The following GNAQ variants were observed in gnomAD, a reference collection of about 807,000 sequenced individuals.
GNAQ encodes guanine nucleotide-binding protein G(q) subunit alpha.
GNAQ carries 8 observed loss-of-function variants against 43.9 expected under a neutral mutation model. The ratio of observed to expected loss-of-function variants is 0.18; its 90% confidence interval spans 0.11 to 0.33. GNAQ has a LOEUF of 0.33. GNAQ is among the 10% of genes least tolerant of loss of function. GNAQ has a pLI of 1.00. For synonymous variants in GNAQ, 155 were observed against 170.7 expected (o/e 0.91, Z 0.71); for missense variants, 158 against 450.8 (o/e 0.35, Z 5.88).
chr9:77,936,469 T>G (rs781079771), intron 1 of GNAQ, among the ~76,000 whole-genome samples: 14 of 152,176 alleles, frequency 9.2e-5, no homozygotes, highest in Non-Finnish European at 1.9e-4. Context: ...AACTGTCTTA[T>G]ATGCAACCTT....
intron 1 of GNAQ, among the ~76,000 whole-genome samples, chr9:77,985,674 C>G (rs910583869): frequency 6.6e-6 from 1 of 152,008 alleles, no homozygotes; most frequent in Non-Finnish European, 1.5e-5. Flanking sequence ...AATCTCTCTG[C>G]CTCCCGGGTT....
chr9:78,031,158 C>T lies in GNAQ; in HGVS notation c.78G>A (p.Glu26=), dbSNP rs752197128. 13 of 1,555,250 alleles carry T rather than the reference C, an allele frequency of 8.4e-6. No individual in the cohort carries two copies. The highest frequency in any genetic ancestry group is 1.1e-5 in the Non-Finnish European group (13 of 1,151,624). The stretch of plus-strand genomic sequence containing the variant: ...CCCGCTTGTCCCTGCGGAGCTGCCG[C>T]TCGATCTCGTCGTTGATCCGCCGGG... ...KEARRINDEI[E]RQLRRDKRDA... Residue 26 remains glutamate, a synonymous_variant, in exon 1 of 7, where the codon GAG becomes GAA. Coordinates refer to ENST00000286548, the MANE Select transcript of GNAQ (RefSeq NM_002072.5).
chr9:77,849,800 G>A (rs1376427075), intron 2 of GNAQ, among the ~76,000 whole-genome samples: 1 of 152,094 alleles, frequency 6.6e-6, no homozygotes, highest in East Asian at 1.9e-4. Flanking sequence ...CTGAGTGGCT[G>A]GGGACTACAG....
intron 2 of GNAQ, among the ~76,000 whole-genome samples, chr9:77,849,270 TGACTCTCAA>T (rs1017416835): frequency 9.9e-5 from 15 of 152,284 alleles, no homozygotes; most frequent in African/African-American, 3.6e-4. Flanking sequence ...AATTAAAACA[TGACTCTCAA>T]GCATCCTAAA....
At chr9:77,798,810 T>A (rs778411579) in intron 3 of GNAQ, among the ~76,000 whole-genome samples, 1 of 152,188 alleles carries the variant, frequency 6.6e-6, no homozygotes, top group Non-Finnish European at 1.5e-5. Flanking sequence ...TCTCTGAATA[T>A]TTTTGATCCA....
chr9:77,810,688 T>C (rs1826904998), intron 3 of GNAQ, among the ~76,000 whole-genome samples: 1 of 152,186 alleles, frequency 6.6e-6, no homozygotes. Flanking sequence ...ATTAAAATAG[T>C]AGAAATTACC....
chr9:77,887,393 C>G (rs1007129666), intron 2 of GNAQ, among the ~76,000 whole-genome samples: 2 of 152,214 alleles, frequency 1.3e-5, no homozygotes, highest in Non-Finnish European at 2.9e-5. Context: ...ATTTAATACT[C>G]CTTTTACCTT....
chr9:77,842,371 A>G (rs1425839292), intron 2 of GNAQ, among the ~76,000 whole-genome samples: 3 of 152,222 alleles, frequency 2.0e-5, no homozygotes, highest in African/African-American at 7.2e-5. Context: ...TGTGAGCAGA[A>G]GGGCACAGAA....
intron 5 of GNAQ, among the ~76,000 whole-genome samples, chr9:77,779,403 A>C (rs1826353112): frequency 6.6e-6 from 1 of 151,990 alleles, no homozygotes; most frequent in Non-Finnish European, 1.5e-5. Context: ...GGAATACAAC[A>C]AAATCCATGC....
chr9:77,734,993 T>G (rs1825555605), intron 5 of GNAQ, among the ~76,000 whole-genome samples: 1 of 152,170 alleles, frequency 6.6e-6, no homozygotes, highest in South Asian at 2.1e-4. Flanking sequence ...TTATACCAAG[T>G]AGCTCACAGG....
At chr9:78,025,394 C>T (rs776767148) in intron 1 of GNAQ, among the ~76,000 whole-genome samples, 3 of 152,298 alleles carry the variant, frequency 2.0e-5, no homozygotes, top group Admixed American at 6.5e-5. Context: ...CAAGAGTAAA[C>T]GTTCACGGTT....
chr9:77,822,198 G>A (rs1443187890), intron 2 of GNAQ, among the ~76,000 whole-genome samples: 3 of 151,768 alleles, frequency 2.0e-5, no homozygotes, highest in African/African-American at 7.3e-5. Flanking sequence ...AGCTTTTTTT[G>A]CCTCCAGATC....
intron 1 of GNAQ, among the ~76,000 whole-genome samples, chr9:77,963,570 G>T (rs370254962): frequency 1.3e-5 from 2 of 152,086 alleles, no homozygotes; most frequent in Non-Finnish European, 2.9e-5. Context: ...CAATGGCTAC[G>T]AAGAGGTGGA....
chr9:78,031,387 G>A lies in GNAQ; in HGVS notation c.-152C>T, dbSNP rs182566561. The A allele has an allele frequency of 1.8e-5, 6 of 338,354 alleles. No individual in the cohort carries two copies. The highest frequency in any genetic ancestry group is 4.5e-5 in the African/African-American group (2 of 44,752). The allele number at this position is 338,354 out of a possible 1,614,324, so 21.0% of individuals were successfully genotyped here. Reference sequence around the variant, plus strand: ...CGGGACGAGCTCCGGGAACCGCCGCGGGGGCGGCGGCCAGGGCCGGGGCCA... The same window carrying A: ...CGGGACGAGCTCCGGGAACCGCCGCAGGGGCGGCGGCCAGGGCCGGGGCCA... On this transcript the variant is annotated 5_prime_UTR_variant, in exon 1 of 7. Coordinates refer to ENST00000286548, the MANE Select transcript of GNAQ (RefSeq NM_002072.5).
chr9:77,870,392 G>A (rs1402682489), intron 2 of GNAQ, among the ~76,000 whole-genome samples: 10 of 145,322 alleles, frequency 6.9e-5, no homozygotes, highest in East Asian at 6.2e-4. Context: ...GTGCAGTGGC[G>A]CGATCTCAGC....
At chr9:77,867,505 T>G (rs962700683) in intron 2 of GNAQ, among the ~76,000 whole-genome samples, 1 of 152,196 alleles carries the variant, frequency 6.6e-6, no homozygotes, top group African/African-American at 2.4e-5. Context: ...TAAAACATTA[T>G]TAAGTGATTG....
chr9:77,733,611 C>T lies in GNAQ; in HGVS notation c.736-4944G>A, dbSNP rs1047781870. The stretch of plus-strand genomic sequence containing the variant: ...CCCCATTGGACTTGCTCCTTCCTCC[C>T]ATCCCCAGCACAGGATGTCCTATCC... On this transcript the variant is annotated intron_variant, in intron 5 of 6. Transcript: ENST00000286548. Among the ~76,000 whole-genome samples the T allele has an allele frequency of 7.2e-5, 11 of 152,242 alleles. No individual in the cohort carries two copies. The East Asian group carries it at 1.3e-3, about 19-fold the overall frequency.
chr9:77,922,104 A>G (rs1829006616), intron 2 of GNAQ, 57 bp downstream of exon 2: 1 of 1,230,198 alleles, frequency 8.1e-7, no homozygotes, highest in Non-Finnish European at 1.2e-6. Context: ...GTGTTGTCAC[A>G]TTATTGTGAA....
chr9:77,853,828 A>G (rs1187403095), intron 2 of GNAQ, among the ~76,000 whole-genome samples: 1 of 152,058 alleles, frequency 6.6e-6, no homozygotes, highest in East Asian at 1.9e-4. Context: ...ATCAGGAAAA[A>G]AAAGCAATTA....
Sources: allele counts gnomAD v4.1 joint callset (sites outside exome capture counted in the v4.1 genomes callset), GRCh38; gene constraint gnomAD v4.1.1; transcripts MANE v1.5; gene names NCBI Gene and HGNC (gene_info 2026-07-23, HGNC 2026-07-21).